The following SNX2 variants were observed in gnomAD, a reference collection of about 807,000 sequenced individuals.
SNX2 encodes the protein sorting nexin-2.
SNX2 carries 25 observed loss-of-function variants against 69.9 expected under a neutral mutation model. The observed-to-expected ratio is 0.36, with a 90% CI of 0.26 to 0.50. The LOEUF (loss-of-function observed/expected upper bound fraction) is 0.50. Ranked by LOEUF, SNX2 falls within the 20% of genes least tolerant of loss-of-function variation. The pLI is 0.97. For synonymous variants in SNX2, 229 were observed against 200.4 expected, an observed-to-expected ratio of 1.14 and a Z score of -1.20; for missense variants, 551 against 613.3, an observed-to-expected ratio of 0.90 and a Z score of 1.07.
At chr5:122,813,921 A>T (rs1753839719) in intron 7 of SNX2, among the ~76,000 whole-genome samples, 1 of 151,748 alleles carries the variant, frequency 6.6e-6, no homozygotes, top group South Asian at 2.1e-4. Context: ...CTACAGGTGC[A>T]TGCCACCACC....
intron 6 of SNX2, among the ~76,000 whole-genome samples, chr5:122,806,142 G>GTGCACGCACACACACACACACACACA: frequency 7.7e-6 from 1 of 130,584 alleles, no homozygotes; most frequent in African/African-American, 2.9e-5. Context: ...ACACGCGCGC[G>GTGCACGCACACACACACACACACACA]CACACACACA....
At chr5:122,801,652 C>CTT (rs113836294) in intron 3 of SNX2, among the ~76,000 whole-genome samples, 1 of 132,056 alleles carries the variant, frequency 7.6e-6, no homozygotes, top group African/African-American at 3.0e-5. Context: ...TGGTCTTTTT[C>CTT]GTGTGTGTGT....
chr5:122,817,040 T>C lies in SNX2; in HGVS notation c.912+12T>C, dbSNP rs768980644. On this transcript the variant is annotated intron_variant, in intron 9 of 14. Transcript: ENST00000379516. ...ATGAATCGGATGCAGTAAGAGCTGA[T>C]TTTTCGGCTTGAATAATGAGATGAA... 6 of 1,583,906 alleles carry C rather than the reference T, an allele frequency of 3.8e-6. No homozygotes were observed.
chr5:122,775,458 C>T (rs1752834856), intron 1 of SNX2: 1 of 1,186,132 alleles, frequency 8.4e-7, no homozygotes, highest in South Asian at 3.5e-5. Flanking sequence ...AGAACCGAAC[C>T]GAGCATTGCA....
In SNX2 at chr5:122,799,846, C is replaced by A. The variant is rs1753470632; in HGVS notation, c.381C>A (p.Ser127=). The A allele has an allele frequency of 8.1e-6, 13 of 1,609,286 alleles. No homozygotes were observed. The highest frequency in any genetic ancestry group is 1.1e-5 in the Non-Finnish European group (13 of 1,177,254). ...CTGCTCCCGTGATCTTTGATAGATCCAGGGAAGAGGTACAGGAAAATGTAT... is the reference window on the plus strand; with the variant it reads ...CTGCTCCCGTGATCTTTGATAGATCAAGGGAAGAGGTACAGGAAAATGTAT... ...SMSAPVIFDR[S]REEIEEEANG... The change falls in exon 3 of 15, where the codon TCC becomes TCA. Residue 127 remains serine (S), a synonymous_variant. Coordinates refer to ENST00000379516, the MANE Select transcript of SNX2 (RefSeq NM_003100.4).
At chr5:122,775,864 A>C in intron 1 of SNX2, 2 of 799,070 alleles carry the variant, frequency 2.5e-6, no homozygotes, top group Non-Finnish European at 3.0e-6. Flanking sequence ...AGTCCAGGAA[A>C]CTGCTGTTGT....
rs1381693823 is a variant in SNX2, at chr5:122,783,137, A to G, written c.108+7926A>G. On this transcript the variant is annotated intron_variant, in intron 1 of 14. Transcript: ENST00000379516. ...TTTTTTTGTATTTTTAGCAGAGACA[A>G]GGTTTCATAATGTTAGCCAGGATGG... Among the ~76,000 whole-genome samples the G allele has an allele frequency of 2.6e-5, 4 of 151,262 alleles. No homozygotes were observed. In the East Asian group the frequency reaches 5.8e-4, roughly 22 times the overall value.
At chr5:122,806,170 C>CACACACACACACACACACACACA (rs1753653371) in intron 6 of SNX2, among the ~76,000 whole-genome samples, 1 of 95,930 alleles carries the variant, frequency 1.0e-5, no homozygotes, top group Non-Finnish European at 2.2e-5. Flanking sequence ...ACACACACAG[C>CACACACACACACACACACACACA]CCACCATTCC....
Position 122,817,347 on chromosome 5 carries a change from T to C in SNX2, c.980T>C (p.Val327Ala), listed in dbSNP as rs367637115. ...CAACTTAGGAAACTTCATGTCAGTG[T>C]TGAAGCCTTGGTCTGTCATAGAAAA... is the stretch of plus-strand genomic sequence containing the variant. ...DQQLRKLHVS[V>A]EALVCHRKEL... Residue 327 changes from valine to alanine, a missense_variant, in exon 10 of 15, where the codon GTT (valine) becomes GCT (alanine). Physicochemically the swap from Val to Ala is moderately conservative, Grantham distance 64. This residue lies in a region of SNX2 where 360 missense variants were observed against 450.4 expected (regional missense o/e 0.80). Transcript: ENST00000379516. 3.1e-6 allele frequency: 5 copies of C among 1,613,810 alleles called. No individual in the cohort carries two copies. Among genetic ancestry groups the C allele is most frequent in the Non-Finnish European group, 3.4e-6 (4 of 1,179,868 alleles).
At chr5:122,808,228 T>C in intron 6 of SNX2, 49 bp from the exon 7 acceptor site, 1 of 1,192,682 alleles carries the variant, frequency 8.4e-7, no homozygotes, top group Non-Finnish European at 1.2e-6. Context: ...TATGAAAGAC[T>C]TTCACAGCAA....
In SNX2 at chr5:122,829,810, A is replaced by T. The variant is rs564811055; in HGVS notation, c.*162A>T. The T allele has an allele frequency of 8.5e-5, 45 of 531,536 alleles. No individual in the cohort carries two copies. The highest frequency in any genetic ancestry group is 1.3e-4 in the Admixed American group (4 of 30,548). The allele number at this position is 531,536 out of a possible 1,614,324, so 32.9% of individuals were successfully genotyped here. On this transcript the variant is annotated 3_prime_UTR_variant, in exon 15 of 15. Coordinates refer to ENST00000379516, the MANE Select transcript of SNX2 (RefSeq NM_003100.4). ...CACACACACACACACACACACACAC[A>T]CTCTGACATTTTATTACAAGCTGCA... is the stretch of plus-strand genomic sequence containing the variant.
chr5:122,782,625 C>G lies in SNX2; in HGVS notation c.108+7414C>G, dbSNP rs181968201. Among the ~76,000 whole-genome samples, 647 of 152,168 alleles carry G rather than the reference C, an allele frequency of 4.3e-3. 6 individuals are homozygous for G. The highest frequency in any genetic ancestry group is 0.015 in the African/African-American group (616 of 41,510). ...AATCTCTGCTCACTGCAACCTCCAC[C>G]TCCCCAGTTCAAGCGATTCTCCTGC... On this transcript the variant is annotated intron_variant, in intron 1 of 14. Coordinates refer to ENST00000379516, the MANE Select transcript of SNX2 (RefSeq NM_003100.4).
intron 7 of SNX2, among the ~76,000 whole-genome samples, chr5:122,811,037 T>C (rs1753764435): frequency 1.3e-5 from 2 of 152,170 alleles, no homozygotes; most frequent in Admixed American, 1.3e-4. Flanking sequence ...TCTGTGATAT[T>C]TCTTAAACTT....
intron 1 of SNX2, among the ~76,000 whole-genome samples, chr5:122,783,117 T>G (rs893787849): frequency 1.3e-4 from 19 of 145,158 alleles, no homozygotes; most frequent in African/African-American, 4.5e-4. Context: ...TTTTTTTTTT[T>G]TGTATTTTTA....
chr5:122,788,938 C>A (rs558420170), intron 1 of SNX2, among the ~76,000 whole-genome samples: 1 of 152,104 alleles, frequency 6.6e-6, no homozygotes, highest in African/African-American at 2.4e-5. Flanking sequence ...ACTGTCTTTT[C>A]TCTTATTTGG....
chr5:122,791,754 A>C lies in SNX2; in HGVS notation c.109-3512A>C, dbSNP rs551630021. On this transcript the variant is annotated intron_variant, in intron 1 of 14. Transcript: ENST00000379516. ...AGTAATATAGAACATCTGATTGACA[A>C]ACTTGTGGTTAATTCTTTGACATAT... Among the ~76,000 whole-genome samples, 6 of 152,334 alleles carry C rather than the reference A, an allele frequency of 3.9e-5. No homozygotes were observed. In the South Asian group the frequency reaches 1.2e-3, roughly 32 times the overall value.
rs574974136 is a variant in SNX2 at position 122,775,609 on chromosome 5, G to A, written c.108+398G>A. On this transcript the variant is annotated intron_variant, in intron 1 of 14. Coordinates refer to ENST00000379516, the MANE Select transcript of SNX2 (RefSeq NM_003100.4). ...GGGTGCTCGCTTTTCCTTTCCAGAG[G>A]GAGGGTGTGCCGCTGCCAGGGGAGC... 1.6e-3 allele frequency: 1,540 copies of A among 989,956 alleles called. 5 individuals carry two copies. Among genetic ancestry groups the A allele is most frequent in the Non-Finnish European group, 1.5e-3 (1,265 of 833,078 alleles). 61.3% of individuals were successfully genotyped at this position (989,956 alleles called of 1,614,324 possible). A position where few individuals can be genotyped will look rare whatever the true frequency, so the allele number is the denominator to read the frequency against.
chr5:122,806,843 A>C (rs1189809158), intron 6 of SNX2, among the ~76,000 whole-genome samples: 1 of 152,170 alleles, frequency 6.6e-6, no homozygotes, highest in African/African-American at 2.4e-5. Flanking sequence ...TTCCATTGGA[A>C]TTTTAAATAA....
chr5:122,818,121 C>T (rs1378805177), intron 10 of SNX2, among the ~76,000 whole-genome samples: 1 of 152,014 alleles, frequency 6.6e-6, no homozygotes, highest in Admixed American at 6.6e-5. Context: ...TTATATATAT[C>T]TCTTAGGGAA....
Sources: allele counts gnomAD v4.1 joint callset (sites outside exome capture counted in the v4.1 genomes callset), GRCh38; gene constraint gnomAD v4.1.1; regional missense constraint gnomAD v4.1.1; transcripts MANE v1.5; gene names NCBI Gene and HGNC (gene_info 2026-07-23, HGNC 2026-07-21).